SORT1: variants seen among roughly 807,000 people sequenced by gnomAD.
SORT1 encodes the protein sortilin 1.
SORT1 carries 39 observed loss-of-function variants against 101.7 expected under a neutral mutation model. That is an observed-to-expected ratio of 0.38 (90% CI 0.30 to 0.50). SORT1 has a LOEUF of 0.50. Ranked by LOEUF, SORT1 falls within the 20% of genes least tolerant of loss-of-function variation. The pLI is 0.90. For synonymous variants in SORT1, 396 were observed against 393.7 expected, an observed-to-expected ratio of 1.01 and a Z score of -0.07; for missense variants, 878 against 1,040.4, an observed-to-expected ratio of 0.84 and a Z score of 2.15.
At chr1:109,373,496 T>C (rs1178370375) in intron 1 of SORT1, among the ~76,000 whole-genome samples, 1 of 151,906 alleles carries the variant, frequency 6.6e-6, no homozygotes, top group Non-Finnish European at 1.5e-5. Context: ...GAGAACAATA[T>C]TCAGACCTCA....
At chr1:109,351,417 A>T (rs1020449846) in intron 5 of SORT1, among the ~76,000 whole-genome samples, 2 of 152,240 alleles carry the variant, frequency 1.3e-5, no homozygotes, top group Non-Finnish European at 1.5e-5. Flanking sequence ...TGTCCTGAAG[A>T]AGACAGGTGC....
At chr1:109,361,758 T>G (rs1650735415) in intron 3 of SORT1, among the ~76,000 whole-genome samples, 1 of 152,206 alleles carries the variant, frequency 6.6e-6, no homozygotes, top group Non-Finnish European at 1.5e-5. Flanking sequence ...CCTTCTTAAA[T>G]TTATTTGTAA....
At chr1:109,395,689 C>T (rs1336730666) in intron 1 of SORT1, among the ~76,000 whole-genome samples, 1 of 152,146 alleles carries the variant, frequency 6.6e-6, no homozygotes, top group African/African-American at 2.4e-5. Context: ...GGCCTTAGAA[C>T]CCCTGAGCCA....
chr1:109,397,715 GC>G lies in SORT1; in HGVS notation c.177del (p.Leu60CysfsTer66). ...GCGCCCCCGGCTGCGGCCGCCCGCAGCCCCCAGCTCACCCCGATGGGGCCAG... is the reference window on the plus strand; with the variant it reads ...GCGCCCCCGGCTGCGGCCGCCCGCAGCCCCAGCTCACCCCGATGGGGCCAG... ...RWSGPIGVSW[G>X]LRAAAAGGAF... On this transcript the variant is annotated frameshift_variant, in exon 1 of 20. Coordinates refer to ENST00000256637, the MANE Select transcript of SORT1 (RefSeq NM_002959.7). LOFTEE classifies it high-confidence loss of function. The G allele has an allele frequency of 1.7e-6, 2 of 1,193,194 alleles. No individual in the cohort carries two copies. The highest frequency in any genetic ancestry group is 2.1e-6 in the Non-Finnish European group (2 of 965,180). The allele number at this position is 1,193,194 out of a possible 1,614,324, so 73.9% of individuals were successfully genotyped here. A position where few individuals can be genotyped will look rare whatever the true frequency, so the allele number is the denominator to read the frequency against.
At chr1:109,322,755 G>A (rs1013367543) in intron 15 of SORT1, among the ~76,000 whole-genome samples, 177 bp downstream of exon 15, 1 of 152,100 alleles carries the variant, frequency 6.6e-6, no homozygotes, top group Non-Finnish European at 1.5e-5. Flanking sequence ...GACCAGGCTG[G>A]TCTCGAACTC....
At chr1:109,394,684 T>C (rs1315006071) in intron 1 of SORT1, among the ~76,000 whole-genome samples, 1 of 152,246 alleles carries the variant, frequency 6.6e-6, no homozygotes, top group African/African-American at 2.4e-5. Context: ...TGAATGATCT[T>C]TTCTTTGTAT....
intron 17 of SORT1, among the ~76,000 whole-genome samples, chr1:109,315,807 G>C (rs1386262463): frequency 6.8e-6 from 1 of 148,088 alleles, no homozygotes; most frequent in Non-Finnish European, 1.5e-5. Context: ...ACCCAGGCTG[G>C]AGTGCAGTGA....
chr1:109,332,473 C>G (rs963914767), intron 11 of SORT1, among the ~76,000 whole-genome samples: 2 of 151,970 alleles, frequency 1.3e-5, no homozygotes, highest in Admixed American at 6.5e-5. Context: ...CTACTTGGGA[C>G]GTGGGAGGAT....
chr1:109,334,006 C>G (rs1232227574), intron 11 of SORT1, among the ~76,000 whole-genome samples: 1 of 152,064 alleles, frequency 6.6e-6, no homozygotes, highest in Non-Finnish European at 1.5e-5. Context: ...ATTAGCCGGG[C>G]GTGGTGGCAC....
At chr1:109,360,885 G>A (rs1650681507) in intron 3 of SORT1, among the ~76,000 whole-genome samples, 2 of 152,176 alleles carry the variant, frequency 1.3e-5, no homozygotes. Flanking sequence ...TCTTAAAGAA[G>A]ATTACACATA....
At chr1:109,323,152 A>C in intron 14 of SORT1, 31 bp from the exon 15 acceptor site, 1 of 1,577,354 alleles carries the variant, frequency 6.3e-7, no homozygotes, top group East Asian at 2.2e-5. Flanking sequence ...TCAGGAAAGT[A>C]CACAGCACAG....
intron 1 of SORT1, among the ~76,000 whole-genome samples, chr1:109,395,727 A>G (rs1297851585): frequency 2.0e-5 from 3 of 152,152 alleles, no homozygotes; most frequent in Non-Finnish European, 2.9e-5. Context: ...CTTTGGAATC[A>G]ATATATTACA....
chr1:109,366,568 A>G (rs1241842015), intron 3 of SORT1, among the ~76,000 whole-genome samples: 2 of 152,026 alleles, frequency 1.3e-5, no homozygotes, highest in South Asian at 4.2e-4. Flanking sequence ...GGTCAAACCA[A>G]CCTCCTTGGA....
chr1:109,376,372 T>A (rs2101638386), intron 1 of SORT1, among the ~76,000 whole-genome samples: 1 of 149,266 alleles, frequency 6.7e-6, no homozygotes, highest in South Asian at 2.1e-4. Flanking sequence ...AGAACTATGA[T>A]CTGACCCAGC....
intron 1 of SORT1, among the ~76,000 whole-genome samples, chr1:109,381,313 A>G (rs1278503247): frequency 6.6e-6 from 1 of 152,230 alleles, no homozygotes; most frequent in Non-Finnish European, 1.5e-5. Context: ...TAACCCCATG[A>G]GATATTACTA....
At chr1:109,333,332 A>T (rs1648588066) in intron 11 of SORT1, among the ~76,000 whole-genome samples, 1 of 152,222 alleles carries the variant, frequency 6.6e-6, no homozygotes, top group African/African-American at 2.4e-5. Flanking sequence ...TAGGGAAAAA[A>T]GCTTCTTGAC....
At position 109,312,783 on chromosome 1, in the gene SORT1, G is replaced by A. The variant is rs1189690195; in HGVS notation, c.*1260C>T. 6.6e-6 allele frequency: 1 copy of A among 152,080 alleles called. No individual in the cohort carries two copies. Among genetic ancestry groups the A allele is most frequent in the Admixed American group, 6.6e-5 (1 of 15,252 alleles). 9.4% of individuals were successfully genotyped at this position (152,080 alleles called of 1,614,324 possible). ...TCTATAATTTATTTAATTTAGAGAG[G>A]TATCAAATGGAAAACTTCTTTTAAT... On this transcript the variant is annotated 3_prime_UTR_variant, in exon 20 of 20. Transcript: ENST00000256637.
rs1031521718 is a variant in SORT1, at chr1:109,346,837, GTTTTC to G, written c.832+641_832+645del. 1.3e-4 allele frequency among the ~76,000 whole-genome samples: 20 copies of G among 152,018 alleles called. 1 individual carries two copies. In the South Asian group the frequency reaches 2.1e-3, roughly 16 times the overall value. On this transcript the variant is annotated intron_variant, in intron 7 of 19. Coordinates refer to ENST00000256637, the MANE Select transcript of SORT1 (RefSeq NM_002959.7). ...CTTATCCTATTTTAAATTGTCTTGA[GTTTTC>G]TTTTCTTTTCTTTTAAGGGCTGGGG...
chr1:109,354,204 C>T (rs909696420), intron 5 of SORT1, among the ~76,000 whole-genome samples, 163 bp downstream of exon 5: 4 of 152,158 alleles, frequency 2.6e-5, no homozygotes, highest in Admixed American at 6.5e-5. Flanking sequence ...AAATCGTGTC[C>T]TTTACCAAAT....
Sources: gnomAD v4.1 joint callset for allele counts (sites outside exome capture counted in the v4.1 genomes callset) on GRCh38, gnomAD v4.1.1 for gene constraint, MANE v1.5 for transcripts, NCBI Gene and HGNC (gene_info 2026-07-23, HGNC 2026-07-21) for gene names.